Variants in ANO6 observed in about 807,000 individuals in gnomAD.
The protein encoded by ANO6 is anoctamin 6.
Under a neutral mutation model 117.5 loss-of-function variants are expected in ANO6, and 106 were observed. That is an observed-to-expected ratio of 0.90 (90% confidence interval 0.77 to 1.06). ANO6 has a LOEUF of 1.06. ANO6 is among the 50% of genes least tolerant of loss of function. The pLI is 0.00. For synonymous variants in ANO6, 367 were observed against 385.1 expected (o/e 0.95, Z 0.55); for missense variants, 955 against 1,121.1 (o/e 0.85, Z 2.12).
At chr12:45,237,451 G>GT (rs1947663492) in intron 1 of ANO6, among the ~76,000 whole-genome samples, 3 of 152,180 alleles carry the variant, frequency 2.0e-5, no homozygotes, top group Non-Finnish European at 2.9e-5. Context: ...TGGCTAGCCA[G>GT]TTTTCCCAGC....
chr12:45,282,650 T>C (rs1938779301), intron 1 of ANO6, among the ~76,000 whole-genome samples: 1 of 152,198 alleles, frequency 6.6e-6, no homozygotes, highest in Non-Finnish European at 1.5e-5. Context: ...TACTTTGACC[T>C]TATCAGTAGT....
rs751504021 is a variant in ANO6 at position 45,348,069 on chromosome 12, A to G, written c.387A>G (p.Pro129=). The G allele has an allele frequency of 6.2e-7, 1 of 1,614,032 alleles. No individual in the cohort carries two copies. Among genetic ancestry groups the G allele is most frequent in the Admixed American group, 1.7e-5 (1 of 59,994 alleles). ...DKLVFVKVHA[P]WEVLCTYAEI... is the part of the protein sequence containing the mutation. Reference sequence around the variant, plus strand: ...TTGTATTTGTAAAAGTACACGCACCATGGGAGGTGTTATGTACGTATGCTG... The same window carrying G: ...TTGTATTTGTAAAAGTACACGCACCGTGGGAGGTGTTATGTACGTATGCTG... The change falls in exon 5 of 20, where the codon CCA becomes CCG. Residue 129 remains proline, a synonymous_variant. Coordinates refer to ENST00000320560, the MANE Select transcript of ANO6 (RefSeq NM_001025356.3).
chr12:45,403,242 G>A lies in ANO6; in HGVS notation c.1782+1G>A. On this transcript the variant is annotated splice_donor_variant, in intron 14 of 19. Coordinates refer to ENST00000320560, the MANE Select transcript of ANO6 (RefSeq NM_001025356.3). LOFTEE classifies it high-confidence loss of function. ...GTTGGGAAAATACAGAAATGAAGAG[G>A]TATGAATATATAATTGTATTATCTT... The A allele has an allele frequency of 1.2e-6, 2 of 1,613,500 alleles. No individual in the cohort carries two copies. The highest frequency in any genetic ancestry group is 1.7e-6 in the Non-Finnish European group (2 of 1,179,658).
intron 1 of ANO6, among the ~76,000 whole-genome samples, chr12:45,222,177 G>A (rs1427785226): frequency 2.7e-5 from 4 of 149,648 alleles, no homozygotes; most frequent in East Asian, 3.9e-4. Flanking sequence ...CACCACGCCC[G>A]GCCCCCCCAC....
intron 1 of ANO6, among the ~76,000 whole-genome samples, chr12:45,254,033 G>C (rs1269209254): frequency 1.3e-5 from 2 of 152,172 alleles, no homozygotes; most frequent in Non-Finnish European, 2.9e-5. Context: ...TGGGCATGGT[G>C]GTGTGCGTCT....
chr12:45,234,714 C>T (rs983679368), intron 1 of ANO6, among the ~76,000 whole-genome samples: 14 of 152,250 alleles, frequency 9.2e-5, no homozygotes, highest in African/African-American at 3.4e-4. Context: ...CCAGCCTTGA[C>T]AGAACCCCCC....
Position 45,429,150 on chromosome 12 carries a change from G to A in ANO6, c.2572G>A (p.Asp858Asn), listed in dbSNP as rs140463382. ...VKFFISYAIP[D>N]VSKRTKSKIQ... is the part of the protein sequence containing the mutation. ...ATTTTTCATTTCATATGCAATTCCC[G>A]ATGTATCAAAACGCACAAAGAGCAA... Residue 858 changes from aspartate (D) to asparagine (N), a missense_variant, in exon 20 of 20, where the codon GAT becomes AAT. By Grantham distance (23) the Asp-to-Asn change is conservative. Transcript: ENST00000320560. 251 of 1,613,698 alleles carry A rather than the reference G, an allele frequency of 1.6e-4. No homozygotes were observed. In the African/African-American group the frequency reaches 2.7e-3, roughly 17 times the overall value.
intron 1 of ANO6, among the ~76,000 whole-genome samples, chr12:45,265,828 A>C (rs914239858): frequency 3.7e-4 from 57 of 152,178 alleles, no homozygotes; most frequent in Admixed American, 3.3e-3. Flanking sequence ...CCTTACAAAA[A>C]TCCTGCAGTA....
rs77160945 is a variant in ANO6, at chr12:45,228,591, G to T, written c.70+12200G>T. Among the ~76,000 whole-genome samples the T allele has an allele frequency of 9.4e-3, 1,438 of 152,234 alleles. 25 individuals carry two copies. The highest frequency in any genetic ancestry group is 0.033 in the African/African-American group (1,353 of 41,536). On this transcript the variant is annotated intron_variant, in intron 1 of 19. Coordinates refer to ENST00000320560, the MANE Select transcript of ANO6 (RefSeq NM_001025356.3). ...GAGAACAGAGGAGGGAAGATTAATA[G>T]TGAGAATCTCGTGGTTAGAGTTCTA...
chr12:45,320,033 G>A (rs35400022), intron 2 of ANO6, among the ~76,000 whole-genome samples: 8,136 of 151,982 alleles, frequency 0.054, 532 homozygotes, highest in East Asian at 0.35. Context: ...TCTTGCTAGC[G>A]GTCTATCAGT....
Position 45,216,374 on chromosome 12 carries a change from A to G in ANO6, c.53A>G (p.Asp18Gly). The G allele has an allele frequency of 1.9e-6, 3 of 1,612,910 alleles. No individual in the cohort carries two copies. Among genetic ancestry groups the G allele is most frequent in the Non-Finnish European group, 2.5e-6 (3 of 1,179,450 alleles). Reference sequence around the variant, plus strand: ...CTACAAATGGAGGAGGAGGAGGACGACGACGATGGGGATATCGGTGAGCGA... The same window carrying G: ...CTACAAATGGAGGAGGAGGAGGACGGCGACGATGGGGATATCGGTGAGCGA... ...VLLQMEEEEDDDDGDIVLENL... is the reference protein window; with the variant it reads ...VLLQMEEEEDGDDGDIVLENL... The change falls in exon 1 of 20, where the codon GAC (aspartate) becomes GGC (glycine). Residue 18 changes from aspartate (D) to glycine (G), a missense_variant. Asp to Gly is a moderately conservative substitution (Grantham distance 94, BLOSUM62 -1). Transcript: ENST00000320560.
intron 8 of ANO6, among the ~76,000 whole-genome samples, chr12:45,366,443 T>C (rs73281526): frequency 0.013 from 2,036 of 152,330 alleles, 39 homozygotes; most frequent in African/African-American, 0.047. Flanking sequence ...TTCAATTTTA[T>C]GTTTGTTCAT....
intron 1 of ANO6, among the ~76,000 whole-genome samples, chr12:45,230,798 T>C (rs541689300): frequency 3.3e-5 from 5 of 152,356 alleles, no homozygotes; most frequent in Admixed American, 2.6e-4. Context: ...ATCATGTGAA[T>C]TTTTAATAAA....
At chr12:45,322,066 C>T (rs1940296274) in intron 2 of ANO6, among the ~76,000 whole-genome samples, 1 of 151,966 alleles carries the variant, frequency 6.6e-6, no homozygotes, top group African/African-American at 2.4e-5. Context: ...GACTTTTGCA[C>T]CATCATTGCA....
chr12:45,274,860 C>T (rs1938502509), intron 1 of ANO6, among the ~76,000 whole-genome samples: 2 of 148,010 alleles, frequency 1.4e-5, no homozygotes, highest in African/African-American at 5.0e-5. Flanking sequence ...CTTGCTGCTG[C>T]ACTTCCTTCA....
intron 9 of ANO6, among the ~76,000 whole-genome samples, chr12:45,375,354 C>T (rs1941977747): frequency 2.0e-5 from 3 of 152,202 alleles, no homozygotes; most frequent in Admixed American, 1.3e-4. Flanking sequence ...GAAAAAACTA[C>T]TTTAAAGTTC....
chr12:45,294,378 A>G (rs1274452669), intron 1 of ANO6, among the ~76,000 whole-genome samples: 1 of 152,186 alleles, frequency 6.6e-6, no homozygotes, highest in African/African-American at 2.4e-5. Flanking sequence ...TACCCTGACA[A>G]AGTTTACATC....
chr12:45,438,712 CAAAT>C (rs1157628441), intron 19 of ANO6, among the ~76,000 whole-genome samples: 2 of 152,026 alleles, frequency 1.3e-5, no homozygotes, highest in Non-Finnish European at 2.9e-5. Flanking sequence ...CCAAGGATAT[CAAAT>C]AAGGGATATT....
intron 16 of ANO6, among the ~76,000 whole-genome samples, chr12:45,414,100 G>A (rs1943154977): frequency 1.3e-5 from 2 of 152,036 alleles, no homozygotes; most frequent in Admixed American, 1.3e-4. Flanking sequence ...GTGCAGTGGT[G>A]AGGGTCTCAG....
Sources: gnomAD v4.1 joint callset for allele counts (sites outside exome capture counted in the v4.1 genomes callset) on GRCh38, gnomAD v4.1.1 for gene constraint, MANE v1.5 for transcripts, NCBI Gene and HGNC (gene_info 2026-07-23, HGNC 2026-07-21) for gene names.